Variants in LUZP1 observed in about 807,000 individuals in gnomAD.
LUZP1 encodes the protein filamin mechanobinding actin cross-linking protein.
LUZP1 carries 25 observed loss-of-function variants against 71.3 expected under a neutral mutation model. That is an observed-to-expected ratio of 0.35 (90% CI 0.26 to 0.49). The LOEUF is 0.49. LUZP1 is among the 20% of genes least tolerant of loss of function. The pLI, the probability that LUZP1 is intolerant of heterozygous loss-of-function variation, is 0.99. For missense variants in LUZP1, 1,142 were observed against 1,300.8 expected (o/e 0.88, Z 1.88); for synonymous variants, 481 against 506.4 (o/e 0.95, Z 0.67).
intron 3 of LUZP1, among the ~76,000 whole-genome samples, chr1:23,095,192 GT>G (rs1350979788): frequency 6.6e-6 from 1 of 152,138 alleles, no homozygotes; most frequent in African/African-American, 2.4e-5. Context: ...GGAAGGTTTA[GT>G]TTTTTTATGT....
chr1:23,093,251 G>A lies in LUZP1; in HGVS notation c.1011C>T (p.Ala337=), dbSNP rs560772788. ...GTAGCTTTATCTCCTCCAGTTGGCT[G>A]GCTAATAATTTGTTTTTATTTTGTT... The change falls in exon 4 of 5, where the codon GCC becomes GCT. Residue 337 remains alanine, a synonymous_variant. Coordinates refer to ENST00000302291, the Ensembl canonical transcript of LUZP1. This position sits in a 1 kb window ranked among gnomAD's most constrained non-coding sequence, Gnocchi z 4.2. 1 of 1,612,970 alleles carries A rather than the reference G, an allele frequency of 6.2e-7. No homozygotes were observed. Among genetic ancestry groups the A allele is most frequent in the East Asian group, 2.2e-5 (1 of 44,878 alleles).
At chr1:23,158,854 C>T (rs1411510328) in intron 2 of LUZP1, among the ~76,000 whole-genome samples, 1 of 149,336 alleles carries the variant, frequency 6.7e-6, no homozygotes, top group African/African-American at 2.5e-5. Context: ...GTAATCCCAG[C>T]TATTCAGGGG....
At chr1:23,127,899 G>A (rs578109035) in intron 2 of LUZP1, among the ~76,000 whole-genome samples, 96 of 152,136 alleles carry the variant, frequency 6.3e-4, no homozygotes, top group Non-Finnish European at 1.1e-3. Flanking sequence ...TTGGGAGGCC[G>A]AGGCAGGTGG....
chr1:23,117,592 A>C (rs1644095688), intron 2 of LUZP1, among the ~76,000 whole-genome samples: 1 of 145,798 alleles, frequency 6.9e-6, no homozygotes, highest in African/African-American at 2.5e-5. Context: ...GTACTAAGAG[A>C]GGTGGATGGG....
intron 1 of LUZP1, among the ~76,000 whole-genome samples, chr1:23,172,903 G>A (rs1426911276): frequency 1.3e-5 from 2 of 151,422 alleles, no homozygotes; most frequent in South Asian, 2.1e-4. Flanking sequence ...GTGCGATCTC[G>A]GCTCCGCCTC....
intron 2 of LUZP1, among the ~76,000 whole-genome samples, chr1:23,132,893 T>A (rs1406691630): frequency 6.6e-6 from 1 of 152,244 alleles, no homozygotes; most frequent in Non-Finnish European, 1.5e-5. Context: ...CTATAACTAC[T>A]TGATGGTCTT....
intron 2 of LUZP1, among the ~76,000 whole-genome samples, chr1:23,141,294 T>C (rs1241448968): frequency 6.6e-6 from 1 of 152,136 alleles, no homozygotes; most frequent in African/African-American, 2.4e-5. Context: ...TGGGACCTTG[T>C]AGGGGAGACA....
chr1:23,116,521 A>G (rs1475923867), intron 2 of LUZP1, among the ~76,000 whole-genome samples: 2 of 152,056 alleles, frequency 1.3e-5, no homozygotes, highest in Non-Finnish European at 2.9e-5. Context: ...CCAAATAAAT[A>G]AATGAATGAA....
chr1:23,122,763 C>T (rs1424294980), intron 2 of LUZP1, among the ~76,000 whole-genome samples: 3 of 152,228 alleles, frequency 2.0e-5, no homozygotes, highest in Non-Finnish European at 2.9e-5. Context: ...TCAAATCCTT[C>T]TTAGTCTTAT....
exon 5 of LUZP1, chr1:23,087,899 G>C (rs1050888819): frequency 6.6e-6 from 1 of 152,670 alleles, no homozygotes; most frequent in African/African-American, 2.4e-5. Context: ...CTCCTCCATG[G>C]GGGATGGAGA....
chr1:23,142,700 T>TATACACACACAC (rs1406009401), intron 2 of LUZP1, among the ~76,000 whole-genome samples: 1 of 104,338 alleles, frequency 9.6e-6, no homozygotes, highest in Non-Finnish European at 1.9e-5. Flanking sequence ...TATATATATA[T>TATACACACACAC]ACACACACAC....
rs775688967 is a variant in LUZP1, at chr1:23,094,212, C to A, written c.50G>T (p.Arg17Leu). Residue 17 changes from arginine to leucine, a missense_variant, in exon 4 of 5, where the codon CGG (arginine) becomes CTG (leucine). Arg to Leu is a moderately radical substitution (Grantham distance 102). Coordinates refer to ENST00000302291, the Ensembl canonical transcript of LUZP1. This position sits in a 1 kb window ranked among gnomAD's most constrained non-coding sequence, Gnocchi z 4.7. ...GCGGCTTAGACTCTGTAGCTTAAACCGCAAGTGGCGGCTGGAGGCCGTCTC... is the reference window on the plus strand; with the variant it reads ...GCGGCTTAGACTCTGTAGCTTAAACAGCAAGTGGCGGCTGGAGGCCGTCTC... The A allele has an allele frequency of 1.9e-5, 30 of 1,612,476 alleles. No individual in the cohort carries two copies. In the Admixed American group the frequency reaches 4.9e-4, roughly 26 times the overall value.
chr1:23,128,636 C>G (rs966884931), intron 2 of LUZP1, among the ~76,000 whole-genome samples: 2 of 152,170 alleles, frequency 1.3e-5, no homozygotes, highest in African/African-American at 4.8e-5. Context: ...ATGTGGCTTA[C>G]CCATTACTAA....
intron 2 of LUZP1, among the ~76,000 whole-genome samples, chr1:23,124,683 A>G (rs1176387191): frequency 6.6e-6 from 1 of 152,200 alleles, no homozygotes; most frequent in Admixed American, 6.5e-5. Flanking sequence ...AGACTACAAG[A>G]ACCCTTAAAC....
chr1:23,168,456 C>T (rs1232766092), intron 2 of LUZP1, among the ~76,000 whole-genome samples: 5 of 148,000 alleles, frequency 3.4e-5, no homozygotes, highest in South Asian at 2.2e-4. Context: ...CTCAGAGTCT[C>T]GCTCCCACCA....
chr1:23,091,677 G>A lies in LUZP1; in HGVS notation c.2585C>T (p.Ala862Val), dbSNP rs1488703891. 6.8e-6 allele frequency: 11 copies of A among 1,613,928 alleles called. 1 individual carries two copies. Among genetic ancestry groups the A allele is most frequent in the Middle Eastern group, 1.6e-4 (1 of 6,084 alleles). Residue 862 changes from alanine (A) to valine (V), a missense_variant, in exon 4 of 5, where the codon GCA becomes GTA. Coordinates refer to ENST00000302291, the Ensembl canonical transcript of LUZP1. ...TGGCCTGTCCTTCAGGGGCCCATCTGCCATTCTCTCCGCTTCTGCAAGCTG... is the reference window on the plus strand; with the variant it reads ...TGGCCTGTCCTTCAGGGGCCCATCTACCATTCTCTCCGCTTCTGCAAGCTG...
At chr1:23,141,145 C>T (rs1644299593) in intron 2 of LUZP1, 2 of 152,316 alleles carry the variant, frequency 1.3e-5, no homozygotes, top group Non-Finnish European at 1.5e-5. Context: ...CCATGCGTGA[C>T]AACTAGCCCT....
Position 23,129,435 on chromosome 1 carries a change from C to T in LUZP1, c.-225-20308G>A, listed in dbSNP as rs562712203. Among the ~76,000 whole-genome samples the T allele has an allele frequency of 5.3e-4, 80 of 152,176 alleles. 1 individual carries two copies. The highest frequency in any genetic ancestry group is 1.9e-3 in the African/African-American group (77 of 41,518). On this transcript the variant is annotated intron_variant, in intron 2 of 4. Coordinates refer to ENST00000302291, the Ensembl canonical transcript of LUZP1. ...TGTCTCTACTAAAAATACAAAATTA[C>T]CCAGGCGTGGAGGCGCATGCCTGTA...
At chr1:23,091,097 G>C (rs1187081073) in intron 4 of LUZP1, 93 bp downstream of exon 3, 2 of 1,291,642 alleles carry the variant, frequency 1.5e-6, no homozygotes, top group African/African-American at 3.0e-5. Context: ...TCAAGATCCT[G>C]GGTCACACAG....
Sources: allele counts gnomAD v4.1 joint callset (sites outside exome capture counted in the v4.1 genomes callset), GRCh38; gene constraint gnomAD v4.1.1; non-coding constraint Gnocchi (gnomAD v3.1); transcripts MANE v1.5; gene names NCBI Gene and HGNC (gene_info 2026-07-23, HGNC 2026-07-21).